ETS2: variants seen among roughly 807,000 people sequenced by gnomAD.
ETS2 encodes the protein ETS proto-oncogene 2, transcription factor.
Under a neutral mutation model 54.9 loss-of-function variants are expected in ETS2, and 19 were observed. The observed-to-expected ratio is 0.35, with a 90% CI of 0.24 to 0.51. ETS2 has a LOEUF of 0.51. Ranked by LOEUF, ETS2 falls within the 20% of genes least tolerant of loss-of-function variation. The pLI is 0.97. For missense variants in ETS2, 417 were observed against 593.0 expected, an observed-to-expected ratio of 0.70 and a Z score of 3.08; for synonymous variants, 219 against 229.3, an observed-to-expected ratio of 0.95 and a Z score of 0.41.
chr21:38,813,162 A>G (rs2060920481), intron 3 of ETS2, 48 bp downstream of exon 3: 1 of 1,165,970 alleles, frequency 8.6e-7, no homozygotes, highest in African/African-American at 1.5e-5. Context: ...TTTCCTAAGT[A>G]GTTCAGTTAA....
chr21:38,821,577 TC>T lies in ETS2; in HGVS notation c.1076-5del. 1.9e-6 allele frequency: 3 copies of T among 1,586,086 alleles called. No individual in the cohort carries two copies. The highest frequency in any genetic ancestry group is 2.6e-6 in the Non-Finnish European group (3 of 1,154,314). On this transcript the variant is annotated splice_polypyrimidine_tract_variant and splice_region_variant and intron_variant, in intron 8 of 9. Coordinates refer to ENST00000360938, the MANE Select transcript of ETS2 (RefSeq NM_005239.6). The surrounding 1 kb of genome is among the most constrained non-coding windows in gnomAD (Gnocchi z 4.2). ...AGGGTATGATCCGTCTCCCTCCCTC[TC>T]CCCGCAGGAAGTGGACCTATTCAGC...
intron 5 of ETS2, among the ~76,000 whole-genome samples, chr21:38,815,545 T>C (rs2123416252): frequency 6.6e-6 from 1 of 152,238 alleles, no homozygotes; most frequent in South Asian, 2.1e-4. Flanking sequence ...AAACTGGCCA[T>C]TGATCAGTAG....
chr21:38,805,491 C>T (rs549200277), upstream of ETS2: 1 of 1,287,964 alleles, frequency 7.8e-7, no homozygotes, highest in Non-Finnish European at 1.0e-6. The surrounding 1 kb of genome is among the most constrained non-coding windows in gnomAD (Gnocchi z 5.2). Context: ...GAGCGCTCCA[C>T]GGAAAGTCTC....
intron 5 of ETS2, among the ~76,000 whole-genome samples, chr21:38,815,534 G>T (rs2060929656): frequency 6.6e-6 from 1 of 152,078 alleles, no homozygotes; most frequent in African/African-American, 2.4e-5. Context: ...ATATTGTACA[G>T]AAACTGGCCA....
chr21:38,816,457 G>A (rs769796494), intron 5 of ETS2, among the ~76,000 whole-genome samples: 13 of 152,094 alleles, frequency 8.5e-5, no homozygotes, highest in Admixed American at 2.0e-4. Context: ...CCGGGTGGAC[G>A]TGCACTTTGT....
chr21:38,817,770 G>A (rs975080278), intron 6 of ETS2, among the ~76,000 whole-genome samples: 6 of 152,152 alleles, frequency 3.9e-5, no homozygotes, highest in African/African-American at 1.4e-4. Context: ...AGCAGGCTTG[G>A]GTGGTGTTGG....
rs2060957632 is a variant in ETS2 at position 38,821,441 on chromosome 21, T to C, written c.1076-145T>C. 1 of 695,806 alleles carries C rather than the reference T, an allele frequency of 1.4e-6. No individual in the cohort carries two copies. Among genetic ancestry groups the C allele is most frequent in the Non-Finnish European group, 2.6e-6 (1 of 388,420 alleles). 43.1% of individuals were successfully genotyped at this position (695,806 alleles called of 1,614,324 possible). On this transcript the variant is annotated intron_variant, in intron 8 of 9. Transcript: ENST00000360938. This position sits in a 1 kb window ranked among gnomAD's most constrained non-coding sequence, Gnocchi z 4.2. ...TTAGTACTGTCACCAACACCTTGAG[T>C]GCCACCCTGAGTGTAACATCGGAAC...
intron 7 of ETS2, 61 bp from the exon 8 acceptor site, chr21:38,819,442 C>A: frequency 6.5e-7 from 1 of 1,532,004 alleles, no homozygotes; most frequent in Non-Finnish European, 9.0e-7. Context: ...ATGCTATGGT[C>A]GTGCCCAAGA....
chr21:38,806,672 AC>A lies in ETS2; in HGVS notation c.-1+554del. 2.0e-6 allele frequency: 2 copies of A among 985,104 alleles called. No individual in the cohort carries two copies. Among genetic ancestry groups the A allele is most frequent in the Non-Finnish European group, 2.4e-6 (2 of 829,872 alleles). The allele number at this position is 985,104 out of a possible 1,614,324, so 61.0% of individuals were successfully genotyped here. On this transcript the variant is annotated intron_variant, in intron 1 of 9. Transcript: ENST00000360938. This position sits in a 1 kb window ranked among gnomAD's most constrained non-coding sequence, Gnocchi z 4.3. ...CTGCGGGGCGCGGGGTGCCATGGTC[AC>A]CTGCTCGCCGCGTCCAGGGCCCGGG... is the stretch of plus-strand genomic sequence containing the variant.
Position 38,823,700 on chromosome 21 carries a change from T to C in ETS2, c.*811T>C, listed in dbSNP as rs1332715010. ...CAAGGACTTTGTACATTTGGGAGTT[T>C]TTATGAGAAACTTAAATGTTATTAT... On this transcript the variant is annotated 3_prime_UTR_variant, in exon 10 of 10. Transcript: ENST00000360938. 1.3e-5 allele frequency: 2 copies of C among 152,628 alleles called. No individual in the cohort carries two copies. Among genetic ancestry groups the C allele is most frequent in the African/African-American group, 4.8e-5 (2 of 41,448 alleles). The allele number at this position is 152,628 out of a possible 1,614,324, so 9.5% of individuals were successfully genotyped here. A position where few individuals can be genotyped will look rare whatever the true frequency, so the allele number is the denominator to read the frequency against.
rs7276184 is a variant in ETS2 at position 38,820,462 on chromosome 21, G to A, written c.1075+696G>A. Among the ~76,000 whole-genome samples the A allele has an allele frequency of 6.2e-3, 946 of 152,234 alleles. 9 individuals carry two copies. Among genetic ancestry groups the A allele is most frequent in the African/African-American group, 0.021 (882 of 41,536 alleles). On this transcript the variant is annotated intron_variant, in intron 8 of 9. Coordinates refer to ENST00000360938, the MANE Select transcript of ETS2 (RefSeq NM_005239.6). ...TCTAAGAACAATCAGCCACGTAAAC[G>A]TATTAAAATACACGGAAAGAGTGTG... is the stretch of plus-strand genomic sequence containing the variant.
At chr21:38,816,131 G>A (rs768733938) in intron 5 of ETS2, among the ~76,000 whole-genome samples, 70 of 144,406 alleles carry the variant, frequency 4.8e-4, no homozygotes, top group Non-Finnish European at 5.4e-4. Flanking sequence ...ATACAGTAGG[G>A]ATTATTTAGG....
At chr21:38,819,458 T>C (rs961212849) in intron 7 of ETS2, 45 bp from the exon 8 acceptor site, 19 of 1,600,056 alleles carry the variant, frequency 1.2e-5, no homozygotes, top group Non-Finnish European at 1.5e-5. Flanking sequence ...CAAGACCAAC[T>C]GTGTCCTGGA....
Position 38,814,410 on chromosome 21 carries a change from G to T in ETS2, c.304+18G>T, listed in dbSNP as rs372768170. On this transcript the variant is annotated intron_variant, in intron 4 of 9. Transcript: ENST00000360938. The surrounding 1 kb of genome is among the most constrained non-coding windows in gnomAD (Gnocchi z 4.2). ...TCCAAAGAGTAAGTACTGCTTTCCT[G>T]AGCCTGCACTGGGTGAGAAGAACCA... 1 of 1,613,104 alleles carries T rather than the reference G, an allele frequency of 6.2e-7. No homozygotes were observed. Among genetic ancestry groups the T allele is most frequent in the East Asian group, 2.2e-5 (1 of 44,868 alleles).
intron 5 of ETS2, among the ~76,000 whole-genome samples, chr21:38,815,986 GGAAGGAAGGAA>G (rs2060931708): frequency 0.02 from 2 of 102 alleles, no homozygotes; most frequent in Non-Finnish European, 0.029. Flanking sequence ...AAGGAAGGAA[GGAAGGAAGGAA>G]GGAAGGAAGG....
intron 1 of ETS2, among the ~76,000 whole-genome samples, chr21:38,807,955 A>G (rs937344891): frequency 6.6e-6 from 1 of 152,210 alleles, no homozygotes; most frequent in African/African-American, 2.4e-5. Flanking sequence ...TTTCATGCAG[A>G]GAAATGACAT....
Position 38,818,503 on chromosome 21 carries a change from C to T in ETS2, c.668C>T (p.Pro223Leu), listed in dbSNP as rs114562289. The change falls in exon 7 of 10, where the codon CCG becomes CTG. Residue 223 changes from proline to leucine, a missense_variant. Coordinates refer to ENST00000360938, the MANE Select transcript of ETS2 (RefSeq NM_005239.6). Reference protein sequence around the residue: ...PKGGLLDSMCPASTPSVLSSE... With the variant: ...PKGGLLDSMCLASTPSVLSSE... ...GGCGGCCTCCTGGACAGCATGTGTCCGGCCTCCACACCCAGCGTACTCAGC... is the reference window on the plus strand; with the variant it reads ...GGCGGCCTCCTGGACAGCATGTGTCTGGCCTCCACACCCAGCGTACTCAGC... 4.0e-4 allele frequency: 639 copies of T among 1,614,138 alleles called. 2 individuals carry two copies. The highest frequency in any genetic ancestry group is 2.3e-3 in the Middle Eastern group (14 of 6,062).
rs368226367 is a variant in ETS2 at position 38,822,917 on chromosome 21, C to T, written c.*28C>T. 20 of 1,510,872 alleles carry T rather than the reference C, an allele frequency of 1.3e-5. No homozygotes were observed. The African/African-American group carries it at 2.6e-4, about 20-fold the overall frequency. 93.6% of individuals were successfully genotyped at this position (1,510,872 alleles called of 1,614,324 possible). A position where few individuals can be genotyped will look rare whatever the true frequency, so the allele number is the denominator to read the frequency against. On this transcript the variant is annotated 3_prime_UTR_variant, in exon 10 of 10. Transcript: ENST00000360938. The stretch of plus-strand genomic sequence containing the variant: ...TCGCCGGGACCACCCTGAGCCGGCC[C>T]CAGGCTCGTGGACTGAGTGGGAAGC...
At chr21:38,815,003 T>G (rs993583894) in intron 5 of ETS2, 22 bp downstream of exon 5, 7 of 1,609,838 alleles carry the variant, frequency 4.3e-6, no homozygotes, top group Non-Finnish European at 4.3e-6. Flanking sequence ...ACGTCTTACT[T>G]CTCCTTGTCC....
Sources: allele counts gnomAD v4.1 joint callset (sites outside exome capture counted in the v4.1 genomes callset), GRCh38; gene constraint gnomAD v4.1.1; non-coding constraint Gnocchi (gnomAD v3.1); transcripts MANE v1.5; gene names NCBI Gene and HGNC (gene_info 2026-07-23, HGNC 2026-07-21).